Variants in KCNA1 observed in about 807,000 individuals in gnomAD.
KCNA1 encodes the protein potassium channel, voltage gated shaker related subfamily A, member 1.
A neutral mutation model predicts 28.8 loss-of-function variants in KCNA1; 19 were observed. The observed-to-expected ratio is 0.66, with a 90% CI of 0.46 to 0.97. The LOEUF is 0.97. KCNA1 is among the 50% of genes least tolerant of loss of function. The probability of loss-of-function intolerance (pLI) is 0.00; values close to 1 mark genes in which losing one functional copy is unlikely to be tolerated. For missense variants in KCNA1, 419 were observed against 659.7 expected (o/e 0.64, Z 4.00); for synonymous variants, 311 against 268.8 (o/e 1.16, Z -1.53).
chr12:4,911,307 C>G lies in KCNA1; in HGVS notation c.-72C>G, dbSNP rs573191253. On this transcript the variant is annotated 5_prime_UTR_variant, in exon 2 of 2. Transcript: ENST00000382545. This position sits in a 1 kb window ranked among gnomAD's most constrained non-coding sequence, Gnocchi z 6.6. ...GTGGGGGGGCCGCTTGGGTCCCCCC[C>G]ACCCCTGGTCCCTGGCTGCTTCCCA... is the stretch of plus-strand genomic sequence containing the variant. 2.5e-5 allele frequency: 33 copies of G among 1,312,042 alleles called. No individual in the cohort carries two copies. The highest frequency in any genetic ancestry group is 9.5e-5 in the Admixed American group (5 of 52,706). The allele number at this position is 1,312,042 out of a possible 1,614,324, so 81.3% of individuals were successfully genotyped here.
chr12:4,912,953 C>T lies in KCNA1; in HGVS notation c.*87C>T, dbSNP rs1160478505. On this transcript the variant is annotated 3_prime_UTR_variant, in exon 2 of 2. Transcript: ENST00000382545. The stretch of plus-strand genomic sequence containing the variant: ...ACAGAAAACCTAGTGACTCATGTCA[C>T]GCTTTGTAGATACTTTACTAAGTAG... The T allele has an allele frequency of 3.3e-6, 3 of 901,386 alleles. No homozygotes were observed. The highest frequency in any genetic ancestry group is 3.3e-5 in the African/African-American group (2 of 61,000). The allele number at this position is 901,386 out of a possible 1,614,324, so 55.8% of individuals were successfully genotyped here. A position where few individuals can be genotyped will look rare whatever the true frequency, so the allele number is the denominator to read the frequency against.
Position 4,909,931 on chromosome 12 carries a change from C to G in KCNA1, c.-1081C>G, listed in dbSNP as rs1019467913. 9 of 152,794 alleles carry G rather than the reference C, an allele frequency of 5.9e-5. No individual in the cohort carries two copies. The highest frequency in any genetic ancestry group is 5.9e-4 in the Admixed American group (9 of 15,294). 9.5% of individuals were successfully genotyped at this position (152,794 alleles called of 1,614,324 possible). ...GAAATGGACCGAGCGGACCCGCCGC[C>G]GCACGCACCCTGCTCCACTCCAAGC... is the stretch of plus-strand genomic sequence containing the variant. On this transcript the variant is annotated 5_prime_UTR_variant, in exon 1 of 2. Transcript: ENST00000382545.
Position 4,913,289 on chromosome 12 carries a change from A to G in KCNA1, c.*423A>G. The G allele has an allele frequency of 3.7e-6, 1 of 268,998 alleles. No homozygotes were observed. Among genetic ancestry groups the G allele is most frequent in the Non-Finnish European group, 7.6e-6 (1 of 130,912 alleles). 16.7% of individuals were successfully genotyped at this position (268,998 alleles called of 1,614,324 possible). A position where few individuals can be genotyped will look rare whatever the true frequency, so the allele number is the denominator to read the frequency against. ...TTGAAATTCGCATGGGACTCCAGTA[A>G]AACATCTTTGCAAACTGCGTAGCAC... On this transcript the variant is annotated 3_prime_UTR_variant, in exon 2 of 2. Coordinates refer to ENST00000382545, the MANE Select transcript of KCNA1 (RefSeq NM_000217.3).
chr12:4,911,636 G>A lies in KCNA1; in HGVS notation c.258G>A (p.Arg86=). 1 of 1,614,136 alleles carries A rather than the reference G, an allele frequency of 6.2e-7. No homozygotes were observed. ...LRNEYFFDRN[R]PSFDAILYYY... ...ACGAGTACTTCTTCGACCGCAACCGGCCCAGCTTCGACGCCATCCTCTACT... is the reference window on the plus strand; with the variant it reads ...ACGAGTACTTCTTCGACCGCAACCGACCCAGCTTCGACGCCATCCTCTACT... Residue 86 remains arginine, a synonymous_variant, in exon 2 of 2, where the codon CGG becomes CGA. Coordinates refer to ENST00000382545, the MANE Select transcript of KCNA1 (RefSeq NM_000217.3). This position sits in a 1 kb window ranked among gnomAD's most constrained non-coding sequence, Gnocchi z 6.6.
Position 4,911,769 on chromosome 12 carries a change from CG to C in KCNA1, c.394del (p.Glu132ArgfsTer61). On this transcript the variant is annotated frameshift_variant, in exon 2 of 2. Coordinates refer to ENST00000382545, the MANE Select transcript of KCNA1 (RefSeq NM_000217.3). LOFTEE classifies it high-confidence loss of function. The surrounding 1 kb of genome is among the most constrained non-coding windows in gnomAD (Gnocchi z 6.6). ...GGGCGAGGAGGCCATGGAGAAGTTC[CG>C]GGAGGACGAGGGCTTCATCAAGGAG... Reference protein sequence around the residue: ...ELGEEAMEKFREDEGFIKEEE... With the variant: ...ELGEEAMEKFXEDEGFIKEEE... 6.2e-7 allele frequency: 1 copy of C among 1,613,990 alleles called. No individual in the cohort carries two copies. Among genetic ancestry groups the C allele is most frequent in the Non-Finnish European group, 8.5e-7 (1 of 1,179,960 alleles).
chr12:4,911,403 G>A lies in KCNA1; in HGVS notation c.25G>A (p.Val9Met), dbSNP rs1194152428. 1 of 1,612,596 alleles carries A rather than the reference G, an allele frequency of 6.2e-7. No individual in the cohort carries two copies. Among genetic ancestry groups the A allele is most frequent in the Non-Finnish European group, 8.5e-7 (1 of 1,179,762 alleles). The change falls in exon 2 of 2, where the codon GTG becomes ATG. Residue 9 changes from valine (V) to methionine (M), a missense_variant. Transcript: ENST00000382545. This position sits in a 1 kb window ranked among gnomAD's most constrained non-coding sequence, Gnocchi z 6.6. Reference protein sequence around the residue: MTVMSGENVDEASAAPGHP... With the variant: MTVMSGENMDEASAAPGHP... ...CATGACGGTGATGTCTGGGGAGAAC[G>A]TGGACGAGGCTTCGGCCGCCCCGGG...
At position 4,912,856 on chromosome 12, in the gene KCNA1, C is replaced by T; in HGVS notation, c.1478C>T (p.Thr493Ile). 2 of 1,611,772 alleles carry T rather than the reference C, an allele frequency of 1.2e-6. No individual in the cohort carries two copies. Among genetic ancestry groups the T allele is most frequent in the Non-Finnish European group, 1.7e-6 (2 of 1,177,898 alleles). ...TGCGTTAATAAGAGCAAGCTACTGA[C>T]CGATGTTTAAAAAACAAAGGCAAGC... ...QNCVNKSKLLTDV is the reference protein window; with the variant it reads ...QNCVNKSKLLIDV Residue 493 changes from threonine to isoleucine, a missense_variant, in exon 2 of 2, where the codon ACC becomes ATC. Physicochemically the swap from Thr to Ile is moderately conservative, Grantham distance 89. Coordinates refer to ENST00000382545, the MANE Select transcript of KCNA1 (RefSeq NM_000217.3).
Position 4,911,408 on chromosome 12 carries a change from C to A in KCNA1, c.30C>A (p.Asp10Glu). ...CGGTGATGTCTGGGGAGAACGTGGA[C>A]GAGGCTTCGGCCGCCCCGGGCCACC... is the stretch of plus-strand genomic sequence containing the variant. Reference protein sequence around the residue: MTVMSGENVDEASAAPGHPQ... With the variant: MTVMSGENVEEASAAPGHPQ... Residue 10 changes from aspartate (D) to glutamate (E), a missense_variant, in exon 2 of 2, where the codon GAC (aspartate) becomes GAA (glutamate). This residue lies in a region of KCNA1 where 67 missense variants were observed against 57.2 expected (regional missense o/e 1.17). Transcript: ENST00000382545. This position sits in a 1 kb window ranked among gnomAD's most constrained non-coding sequence, Gnocchi z 6.6. The A allele has an allele frequency of 1.9e-6, 3 of 1,613,002 alleles. No homozygotes were observed. Among genetic ancestry groups the A allele is most frequent in the Middle Eastern group, 1.7e-4 (1 of 6,022 alleles).
In KCNA1 at chr12:4,914,778, C is replaced by T. The variant is rs553013502; in HGVS notation, c.*1912C>T. ...CCTGACGCTGGATGTGAACTGAGACCCATCTTTGAACTGGACATGAACTGT... is the reference window on the plus strand; with the variant it reads ...CCTGACGCTGGATGTGAACTGAGACTCATCTTTGAACTGGACATGAACTGT... On this transcript the variant is annotated 3_prime_UTR_variant, in exon 2 of 2. Coordinates refer to ENST00000382545, the MANE Select transcript of KCNA1 (RefSeq NM_000217.3). 1 of 167,064 alleles carries T rather than the reference C, an allele frequency of 6.0e-6. No individual in the cohort carries two copies. Among genetic ancestry groups the T allele is most frequent in the Non-Finnish European group, 1.5e-5 (1 of 68,148 alleles). 10.3% of individuals were successfully genotyped at this position (167,064 alleles called of 1,614,324 possible). A position where few individuals can be genotyped will look rare whatever the true frequency, so the allele number is the denominator to read the frequency against.
At position 4,911,260 on chromosome 12, in the gene KCNA1, C is replaced by T. The variant is rs1217312049; in HGVS notation, c.-119C>T. 3 of 720,358 alleles carry T rather than the reference C, an allele frequency of 4.2e-6. No homozygotes were observed. Among genetic ancestry groups the T allele is most frequent in the African/African-American group, 3.6e-5 (2 of 56,110 alleles). 44.6% of individuals were successfully genotyped at this position (720,358 alleles called of 1,614,324 possible). On this transcript the variant is annotated 5_prime_UTR_variant, in exon 2 of 2. Transcript: ENST00000382545. The surrounding 1 kb of genome is among the most constrained non-coding windows in gnomAD (Gnocchi z 6.6). ...TCGTGTTGAAGCACCTCCCCCTGGG[C>T]GTGAGGGAGACGCGCGCTCCGGTGG... is the stretch of plus-strand genomic sequence containing the variant.
Position 4,911,159 on chromosome 12 carries a change from G to T in KCNA1, c.-220G>T. 1.7e-6 allele frequency: 1 copy of T among 599,764 alleles called. No individual in the cohort carries two copies. The highest frequency in any genetic ancestry group is 3.0e-6 in the Non-Finnish European group (1 of 337,114). 37.2% of individuals were successfully genotyped at this position (599,764 alleles called of 1,614,324 possible). A position where few individuals can be genotyped will look rare whatever the true frequency, so the allele number is the denominator to read the frequency against. ...AAGCTGCACCCGGCCCGCAGGCGAG[G>T]GGGATTCCAAACTGAGTGAAAGGCA... On this transcript the variant is annotated 5_prime_UTR_variant, in exon 2 of 2. Coordinates refer to ENST00000382545, the MANE Select transcript of KCNA1 (RefSeq NM_000217.3). This position sits in a 1 kb window ranked among gnomAD's most constrained non-coding sequence, Gnocchi z 6.6.
Position 4,911,808 on chromosome 12 carries a change from C to T in KCNA1, c.430C>T (p.Leu144=), listed in dbSNP as rs568025967. The change falls in exon 2 of 2, where the codon CTG becomes TTG. Residue 144 remains leucine, a synonymous_variant. Transcript: ENST00000382545. This position sits in a 1 kb window ranked among gnomAD's most constrained non-coding sequence, Gnocchi z 6.6. The part of the protein sequence containing the change: ...EGFIKEEERP[L]PEKEYQRQVW... The stretch of plus-strand genomic sequence containing the variant: ...CTTCATCAAGGAGGAGGAGCGCCCT[C>T]TGCCCGAGAAGGAGTACCAGCGCCA... 2 of 1,613,954 alleles carry T rather than the reference C, an allele frequency of 1.2e-6. No homozygotes were observed. Among genetic ancestry groups the T allele is most frequent in the South Asian group, 2.2e-5 (2 of 91,058 alleles).
rs971386562 is a variant in KCNA1, at chr12:4,913,193, C to T, written c.*327C>T. 2 of 315,938 alleles carry T rather than the reference C, an allele frequency of 6.3e-6. No individual in the cohort carries two copies. The highest frequency in any genetic ancestry group is 6.3e-6 in the Non-Finnish European group (1 of 159,538). The allele number at this position is 315,938 out of a possible 1,614,324, so 19.6% of individuals were successfully genotyped here. ...AATCATATGCTTCCCCAAACTGAAA[C>T]ATTTTTAATGCTTTGGTTTCTTTAA... On this transcript the variant is annotated 3_prime_UTR_variant, in exon 2 of 2. Transcript: ENST00000382545.
rs753446355 is a variant in KCNA1 at position 4,911,363 on chromosome 12, G to A, written c.-16G>A. The A allele has an allele frequency of 2.8e-6, 4 of 1,406,916 alleles. No homozygotes were observed. The highest frequency in any genetic ancestry group is 1.9e-5 in the Admixed American group (1 of 52,744). The allele number at this position is 1,406,916 out of a possible 1,614,324, so 87.2% of individuals were successfully genotyped here. ...GGCTCTCTCCTGGCCTCCCACCCCC[G>A]CGCCCGGCTTCCACCATGACGGTGA... On this transcript the variant is annotated 5_prime_UTR_variant, in exon 2 of 2. Transcript: ENST00000382545. This position sits in a 1 kb window ranked among gnomAD's most constrained non-coding sequence, Gnocchi z 6.6.
chr12:4,915,263 G>T lies in KCNA1; in HGVS notation c.*2397G>T. ...GGAGAGGTACTCACAGCCTTTCAAAGGACCCTGAGGTGGGGAATCTTCATT... is the reference window on the plus strand; with the variant it reads ...GGAGAGGTACTCACAGCCTTTCAAATGACCCTGAGGTGGGGAATCTTCATT... On this transcript the variant is annotated 3_prime_UTR_variant, in exon 2 of 2. Coordinates refer to ENST00000382545, the MANE Select transcript of KCNA1 (RefSeq NM_000217.3). The T allele has an allele frequency of 6.0e-6, 1 of 167,144 alleles. No homozygotes were observed. 10.4% of individuals were successfully genotyped at this position (167,144 alleles called of 1,614,324 possible). A position where few individuals can be genotyped will look rare whatever the true frequency, so the allele number is the denominator to read the frequency against.
In KCNA1 at chr12:4,913,094, A is replaced by C. The variant is rs142908193; in HGVS notation, c.*228A>C. On this transcript the variant is annotated 3_prime_UTR_variant, in exon 2 of 2. Transcript: ENST00000382545. ...TAAACTATTTTCCTTTTATTAAAAAATGGGAAAAGAGAGAGTATTTTCTAA... is the reference window on the plus strand; with the variant it reads ...TAAACTATTTTCCTTTTATTAAAAACTGGGAAAAGAGAGAGTATTTTCTAA... The C allele has an allele frequency of 7.0e-3, 3,950 of 561,020 alleles. 113 individuals are homozygous for C. The Admixed American group carries it at 0.077, about 11-fold the overall frequency. 34.8% of individuals were successfully genotyped at this position (561,020 alleles called of 1,614,324 possible). A position where few individuals can be genotyped will look rare whatever the true frequency, so the allele number is the denominator to read the frequency against.
In KCNA1 at chr12:4,912,627, C is replaced by A; in HGVS notation, c.1249C>A (p.Arg417=). ...IVSNFNYFYH[R]ETEGEEQAQL... is the part of the protein sequence containing the mutation. Reference sequence around the variant, plus strand: ...GTCCAATTTCAACTATTTCTACCACCGAGAAACTGAGGGGGAAGAGCAGGC... The same window carrying A: ...GTCCAATTTCAACTATTTCTACCACAGAGAAACTGAGGGGGAAGAGCAGGC... Residue 417 remains arginine, a synonymous_variant, in exon 2 of 2, where the codon CGA becomes AGA. Transcript: ENST00000382545. 1.2e-6 allele frequency: 2 copies of A among 1,613,674 alleles called. No homozygotes were observed. The highest frequency in any genetic ancestry group is 1.7e-6 in the Non-Finnish European group (2 of 1,180,002).
chr12:4,916,530 T>G lies in KCNA1; in HGVS notation c.*3664T>G, dbSNP rs1294823905. 1 of 167,074 alleles carries G rather than the reference T, an allele frequency of 6.0e-6. No individual in the cohort carries two copies. The highest frequency in any genetic ancestry group is 1.5e-5 in the Non-Finnish European group (1 of 68,118). The allele number at this position is 167,074 out of a possible 1,614,324, so 10.3% of individuals were successfully genotyped here. On this transcript the variant is annotated 3_prime_UTR_variant, in exon 2 of 2. Transcript: ENST00000382545. ...TGTTTTTGCATCTCCCTTTTCCCATTTGTGCCCAACTCCCCTTGCACTCCC... is the reference window on the plus strand; with the variant it reads ...TGTTTTTGCATCTCCCTTTTCCCATGTGTGCCCAACTCCCCTTGCACTCCC...
In KCNA1 at chr12:4,915,517, C is replaced by T. The variant is rs886049524; in HGVS notation, c.*2651C>T. On this transcript the variant is annotated 3_prime_UTR_variant, in exon 2 of 2. Coordinates refer to ENST00000382545, the MANE Select transcript of KCNA1 (RefSeq NM_000217.3). Reference sequence around the variant, plus strand: ...GTGAATCTGTGAGATGAACACAACACACATCGTGGAAGATGAGGGGCCAAG... The same window carrying T: ...GTGAATCTGTGAGATGAACACAACATACATCGTGGAAGATGAGGGGCCAAG... 1 of 167,110 alleles carries T rather than the reference C, an allele frequency of 6.0e-6. No individual in the cohort carries two copies. The highest frequency in any genetic ancestry group is 1.5e-5 in the Non-Finnish European group (1 of 68,124). 10.4% of individuals were successfully genotyped at this position (167,110 alleles called of 1,614,324 possible).
Sources: gnomAD v4.1 joint callset for allele counts on GRCh38, gnomAD v4.1.1 for gene constraint, gnomAD v4.1.1 regional missense constraint, Gnocchi (gnomAD v3.1) non-coding constraint, MANE v1.5 for transcripts, NCBI Gene and HGNC (gene_info 2026-07-23, HGNC 2026-07-21) for gene names.